The following TENT2 variants were observed in gnomAD, a reference collection of about 807,000 sequenced individuals.
TENT2 encodes the protein terminal nucleotidyltransferase 2.
TENT2 carries 44 observed loss-of-function variants against 72.2 expected under a neutral mutation model. The observed-to-expected ratio is 0.61, with a 90% CI of 0.48 to 0.78. The LOEUF (loss-of-function observed/expected upper bound fraction) is 0.78. TENT2 is among the 30% of genes least tolerant of loss of function. The pLI is 0.00. For synonymous variants in TENT2, 212 were observed against 192.5 expected, an observed-to-expected ratio of 1.10 and a Z score of -0.84; for missense variants, 541 against 569.6, an observed-to-expected ratio of 0.95 and a Z score of 0.51.
intron 4 of TENT2, among the ~76,000 whole-genome samples, chr5:79,627,096 G>T (rs62365172): frequency 2.0e-5 from 3 of 150,402 alleles, no homozygotes; most frequent in Admixed American, 1.3e-4. Flanking sequence ...TGCCACTGCC[G>T]TCCAGCCTGG....
Position 79,687,000 on chromosome 5 carries a change from G to A in TENT2, c.*1727G>A, listed in dbSNP as rs956653887. On this transcript the variant is annotated 3_prime_UTR_variant, in exon 15 of 15. Transcript: ENST00000453514. ...ATTCAGTAATACTGTGCAACTTTCA[G>A]GGATGGGTAAGTATGTACCCTCTGC... is the stretch of plus-strand genomic sequence containing the variant. Among the ~76,000 whole-genome samples, 49 of 152,234 alleles carry A rather than the reference G, an allele frequency of 3.2e-4. No homozygotes were observed. Among genetic ancestry groups the A allele is most frequent in the Middle Eastern group, 3.4e-3 (1 of 294 alleles).
intron 3 of TENT2, among the ~76,000 whole-genome samples, chr5:79,622,237 G>A (rs1765678042): frequency 6.6e-6 from 1 of 152,100 alleles, no homozygotes; most frequent in African/African-American, 2.4e-5. Flanking sequence ...CGGAGGCAGA[G>A]GTTGCGGTGA....
intron 1 of TENT2, among the ~76,000 whole-genome samples, chr5:79,613,622 C>A (rs1378761891): frequency 2.0e-5 from 3 of 152,122 alleles, no homozygotes; most frequent in Admixed American, 2.0e-4. Flanking sequence ...GTGTGAATAG[C>A]CCTAATTATG....
At chr5:79,659,346 A>G (rs1800321941) in intron 11 of TENT2, among the ~76,000 whole-genome samples, 1 of 151,146 alleles carries the variant, frequency 6.6e-6, no homozygotes, top group Middle Eastern at 3.2e-3. Context: ...CAGCCTGGCC[A>G]AGATAGTGAA....
In TENT2 at chr5:79,619,461, C is replaced by A. The variant is rs111406920; in HGVS notation, c.-37-151C>A. ...ATTTATTATTAGTTTTCTTTTGTTA[C>A]CTACAGTGGCACTTAGGAGACCTAT... On this transcript the variant is annotated intron_variant, in intron 1 of 14. Coordinates refer to ENST00000453514, the MANE Select transcript of TENT2 (RefSeq NM_001114394.3). 5.7e-3 allele frequency among the ~76,000 whole-genome samples: 861 copies of A among 152,198 alleles called. 10 individuals carry two copies. Among genetic ancestry groups the A allele is most frequent in the African/African-American group, 0.02 (828 of 41,520 alleles).
chr5:79,679,746 T>C (rs1303245939), intron 13 of TENT2, 76 bp downstream of exon 13: 2 of 776,924 alleles, frequency 2.6e-6, no homozygotes, highest in Non-Finnish European at 3.8e-6. Flanking sequence ...TGTGTTTCAG[T>C]TAAAAGTAAT....
chr5:79,639,218 C>A (rs945110216), intron 4 of TENT2, among the ~76,000 whole-genome samples: 1 of 151,466 alleles, frequency 6.6e-6, no homozygotes, highest in Admixed American at 6.6e-5. Context: ...TTGGTATTCT[C>A]AATTTTCTTA....
intron 10 of TENT2, among the ~76,000 whole-genome samples, chr5:79,650,281 C>G (rs1792743173): frequency 6.6e-6 from 1 of 152,074 alleles, no homozygotes; most frequent in Non-Finnish European, 1.5e-5. Context: ...TCTGAGAATA[C>G]AGCAGTGAAC....
intron 13 of TENT2, 112 bp downstream of exon 13, chr5:79,679,782 A>G (rs1820287784): frequency 9.0e-6 from 5 of 555,632 alleles, no homozygotes; most frequent in Non-Finnish European, 1.4e-5. Context: ...GTGATTTGTA[A>G]GTCTTTTAGT....
At chr5:79,626,412 A>G (rs566981776) in intron 4 of TENT2, among the ~76,000 whole-genome samples, 2 of 148,194 alleles carry the variant, frequency 1.3e-5, no homozygotes, top group East Asian at 2.0e-4. Flanking sequence ...TGTTCGCGCT[A>G]TTCTCCTGCC....
chr5:79,654,131 A>C (rs1272628078), intron 10 of TENT2, among the ~76,000 whole-genome samples: 1 of 152,176 alleles, frequency 6.6e-6, no homozygotes, highest in Non-Finnish European at 1.5e-5. Context: ...ATTATAATTT[A>C]AGAGTTAATG....
chr5:79,653,641 C>G (rs542544350), intron 10 of TENT2, among the ~76,000 whole-genome samples: 1 of 152,114 alleles, frequency 6.6e-6, no homozygotes, highest in Non-Finnish European at 1.5e-5. Flanking sequence ...TTCAGCCATT[C>G]CTAGGTCTTT....
chr5:79,647,414 T>C (rs1302112625), intron 8 of TENT2, among the ~76,000 whole-genome samples: 4 of 152,202 alleles, frequency 2.6e-5, no homozygotes, highest in African/African-American at 9.6e-5. Flanking sequence ...TTCTTTTCTA[T>C]TGAGTTACTA....
chr5:79,622,019 G>A (rs933981717), intron 3 of TENT2, among the ~76,000 whole-genome samples: 2 of 151,854 alleles, frequency 1.3e-5, no homozygotes, highest in Non-Finnish European at 2.9e-5. Context: ...ACCTTCTATG[G>A]GCCGGGTGCA....
intron 4 of TENT2, among the ~76,000 whole-genome samples, chr5:79,625,160 G>A (rs746156387): frequency 6.6e-6 from 1 of 152,124 alleles, no homozygotes; most frequent in African/African-American, 2.4e-5. Flanking sequence ...ATGATATTGA[G>A]CATCTTTTCA....
At position 79,642,885 on chromosome 5, in the gene TENT2, C is replaced by G; in HGVS notation, c.726C>G (p.Val242=). The change falls in exon 7 of 15, where the codon GTC becomes GTG. Residue 242 remains valine (V), a synonymous_variant. Coordinates refer to ENST00000453514, the MANE Select transcript of TENT2 (RefSeq NM_001114394.3). ...KTEARHILTL[V]HKHFCTRLSG... ...AAGCACGGCATATACTCACCTTAGT[C>G]CATAAACACTTCTGTACTAGACTTT... 1 of 1,611,778 alleles carries G rather than the reference C, an allele frequency of 6.2e-7. No individual in the cohort carries two copies.
Position 79,635,420 on chromosome 5 carries a change from G to A in TENT2, c.466-5431G>A, listed in dbSNP as rs74644361. On this transcript the variant is annotated intron_variant, in intron 4 of 14. Transcript: ENST00000453514. ...AAGTGTTTCCATGCATGTAAAAAAT[G>A]GAGAGGAACAAGAATATGGAATTTC... Among the ~76,000 whole-genome samples the A allele has an allele frequency of 6.9e-4, 100 of 144,940 alleles. No individual in the cohort carries two copies. The East Asian group carries it at 0.015, about 22-fold the overall frequency.
rs1826334920 is a variant in TENT2, at chr5:79,687,291, GTTA to G, written c.*2022_*2024del. Among the ~76,000 whole-genome samples, 1 of 152,086 alleles carries G rather than the reference GTTA, an allele frequency of 6.6e-6. No homozygotes were observed. The highest frequency in any genetic ancestry group is 1.5e-5 in the Non-Finnish European group (1 of 68,000). ...ATGAGAGAATTTTCTGGACTTTTAA[GTTA>G]TTAATCTCAATTATTTGTGTGGTGA... On this transcript the variant is annotated 3_prime_UTR_variant, in exon 15 of 15. Coordinates refer to ENST00000453514, the MANE Select transcript of TENT2 (RefSeq NM_001114394.3).
At chr5:79,663,242 A>AT (rs1262307150) in intron 11 of TENT2, among the ~76,000 whole-genome samples, 1 of 152,168 alleles carries the variant, frequency 6.6e-6, no homozygotes, top group Non-Finnish European at 1.5e-5. Context: ...GAAACTTTCC[A>AT]TATCAGCAAT....
Sources: allele counts gnomAD v4.1 joint callset (sites outside exome capture counted in the v4.1 genomes callset), GRCh38; gene constraint gnomAD v4.1.1; transcripts MANE v1.5; gene names NCBI Gene and HGNC (gene_info 2026-07-23, HGNC 2026-07-21).